Variants in NOL10 observed in about 807,000 individuals in gnomAD.
NOL10 encodes nucleolar protein 10.
NOL10 carries 58 observed loss-of-function variants against 103.5 expected under a neutral mutation model. That is an observed-to-expected ratio of 0.56 (90% CI 0.45 to 0.70). The LOEUF (loss-of-function observed/expected upper bound fraction) is 0.70, where lower values mean the gene tolerates loss of function less well. Among genes scored for constraint, NOL10 ranks in the 30% least tolerant of loss-of-function variants. The pLI is 0.00. For missense variants in NOL10, 763 were observed against 807.3 expected (o/e 0.95, Z 0.67); for synonymous variants, 287 against 282.5 (o/e 1.02, Z -0.16).
intron 12 of NOL10, among the ~76,000 whole-genome samples, chr2:10,648,839 G>A (rs769674849): frequency 2.0e-5 from 3 of 151,998 alleles, no homozygotes; most frequent in Non-Finnish European, 2.9e-5. Flanking sequence ...AAAAGTCAAC[G>A]TCATGGAGAA....
At position 10,659,375 on chromosome 2, in the gene NOL10, T is replaced by C. The variant is rs374146712; in HGVS notation, c.678-125A>G. ...GGGGGAGGAATCACATTTCTAGGCT[T>C]CTGTTTAAAAGGTAACTGCAGCCTG... On this transcript the variant is annotated intron_variant, in intron 9 of 20. Coordinates refer to ENST00000381685, the MANE Select transcript of NOL10 (RefSeq NM_024894.4). 7 of 665,846 alleles carry C rather than the reference T, an allele frequency of 1.1e-5. No individual in the cohort carries two copies. In the East Asian group the frequency reaches 1.4e-4, roughly 13 times the overall value. 41.2% of individuals were successfully genotyped at this position (665,846 alleles called of 1,614,324 possible).
chr2:10,609,456 C>T (rs1036536780), intron 13 of NOL10, among the ~76,000 whole-genome samples: 1 of 123,098 alleles, frequency 8.1e-6, no homozygotes, highest in Non-Finnish European at 1.7e-5. Context: ...AAAAAAAAAT[C>T]AGGCGCGGTG....
At chr2:10,589,837 A>G (rs1675305588) in intron 17 of NOL10, 86 bp from the exon 18 acceptor site, 1 of 806,794 alleles carries the variant, frequency 1.2e-6, no homozygotes, top group Non-Finnish European at 1.8e-6. Context: ...CACTGATTCT[A>G]TTATAAGTTA....
chr2:10,647,188 A>ACTATGCAGTGCACT (rs1553308508), intron 12 of NOL10, among the ~76,000 whole-genome samples: 1 of 150,524 alleles, frequency 6.6e-6, no homozygotes, highest in African/African-American at 2.5e-5. Context: ...TATAGTGTAT[A>ACTATGCAGTGCACT]GTACGCTGTA....
chr2:10,579,645 C>A (rs1674651085), intron 19 of NOL10, among the ~76,000 whole-genome samples: 1 of 151,166 alleles, frequency 6.6e-6, no homozygotes, highest in Non-Finnish European at 1.5e-5. Context: ...CTCAGCAAAT[C>A]CCTCAACCTG....
chr2:10,689,875 ACTG>A lies in NOL10; in HGVS notation c.-17_-15del. 1 of 1,600,366 alleles carries A rather than the reference ACTG, an allele frequency of 6.2e-7. No individual in the cohort carries two copies. Among genetic ancestry groups the A allele is most frequent in the South Asian group, 1.1e-5 (1 of 88,478 alleles). On this transcript the variant is annotated 5_prime_UTR_variant, in exon 1 of 21. In the 5' UTR this introduces an upstream ATG that the reference lacks. Coordinates refer to ENST00000381685, the MANE Select transcript of NOL10 (RefSeq NM_024894.4). ...GGAGACCTGCATGGCGCCGCACAAC[ACTG>A]TTCAAGTCCCGGGTCCTTTCCCACC...
intron 11 of NOL10, among the ~76,000 whole-genome samples, chr2:10,657,357 G>A (rs1446048310): frequency 5.3e-5 from 8 of 152,082 alleles, no homozygotes; most frequent in Non-Finnish European, 8.8e-5. Flanking sequence ...TTTGAGATAT[G>A]TAATAATACC....
At chr2:10,613,517 T>C (rs1676678113) in intron 13 of NOL10, among the ~76,000 whole-genome samples, 1 of 152,244 alleles carries the variant, frequency 6.6e-6, no homozygotes, top group African/African-American at 2.4e-5. Context: ...ACTGAGAGGC[T>C]ATGGTTTCAT....
At chr2:10,587,442 T>C (rs1675171673) in intron 19 of NOL10, among the ~76,000 whole-genome samples, 1 of 150,374 alleles carries the variant, frequency 6.7e-6, no homozygotes, top group African/African-American at 2.5e-5. Flanking sequence ...AGCTAAGTTT[T>C]ATATTTTTAG....
At chr2:10,621,608 TA>T (rs1677153404) in intron 13 of NOL10, among the ~76,000 whole-genome samples, 2 of 151,974 alleles carry the variant, frequency 1.3e-5, no homozygotes, top group South Asian at 4.2e-4. Flanking sequence ...ATAATAAAAA[TA>T]AAAATTAACT....
At chr2:10,653,715 G>A (rs1679637319) in intron 12 of NOL10, among the ~76,000 whole-genome samples, 1 of 151,682 alleles carries the variant, frequency 6.6e-6, no homozygotes. Context: ...TCTCCCATGA[G>A]AATCACCTCA....
chr2:10,677,463 GGT>G (rs944909014), intron 3 of NOL10, among the ~76,000 whole-genome samples: 2 of 146,660 alleles, frequency 1.4e-5, no homozygotes, highest in African/African-American at 4.9e-5. Flanking sequence ...GGTTTTCTTT[GGT>G]GTTTTTTTTT....
chr2:10,619,118 G>C (rs1022259133), intron 13 of NOL10, among the ~76,000 whole-genome samples: 11 of 152,116 alleles, frequency 7.2e-5, no homozygotes, highest in Non-Finnish European at 1.5e-4. Context: ...ACTTTCAAAT[G>C]AACCACTGTA....
chr2:10,636,440 A>AAC (rs1678229508), intron 13 of NOL10, among the ~76,000 whole-genome samples: 3 of 150,262 alleles, frequency 2.0e-5, no homozygotes, highest in Non-Finnish European at 4.4e-5. Flanking sequence ...AAAAAAAAAA[A>AAC]AAAAAACACC....
rs562163845 is a variant in NOL10 at position 10,636,433 on chromosome 2, A to C, written c.1026+7887T>G. ...TCTACAAAAAACCAAAAAAAAAAAA[A>C]AAAAAAAAAAAAACACCAAACAAAA... is the stretch of plus-strand genomic sequence containing the variant. On this transcript the variant is annotated intron_variant, in intron 13 of 20. Transcript: ENST00000381685. Among the ~76,000 whole-genome samples, 55 of 149,896 alleles carry C rather than the reference A, an allele frequency of 3.7e-4. No individual in the cohort carries two copies. In the East Asian group the frequency reaches 5.1e-3, roughly 14 times the overall value.
intron 9 of NOL10, among the ~76,000 whole-genome samples, chr2:10,659,994 C>G: frequency 6.6e-6 from 1 of 152,164 alleles, no homozygotes; most frequent in East Asian, 1.9e-4. Flanking sequence ...ATGCTTCTCA[C>G]ATACCAACCA....
intron 19 of NOL10, among the ~76,000 whole-genome samples, chr2:10,581,324 A>G (rs1674740891): frequency 6.6e-6 from 1 of 152,316 alleles, no homozygotes; most frequent in South Asian, 2.1e-4. Context: ...AATACGCTTT[A>G]AAGAAATACT....
At chr2:10,624,049 T>C (rs187339622) in intron 13 of NOL10, among the ~76,000 whole-genome samples, 132 of 152,342 alleles carry the variant, frequency 8.7e-4, no homozygotes, top group Middle Eastern at 3.4e-3. Context: ...GTGTGATCTC[T>C]GGTTTCCTAA....
At chr2:10,608,067 G>A (rs903749293) in intron 13 of NOL10, among the ~76,000 whole-genome samples, 4 of 152,076 alleles carry the variant, frequency 2.6e-5, no homozygotes, top group East Asian at 1.9e-4. Context: ...TAAGTACTAC[G>A]TGAGGTGATG....
Sources: allele counts gnomAD v4.1 joint callset (sites outside exome capture counted in the v4.1 genomes callset), GRCh38; gene constraint gnomAD v4.1.1; transcripts MANE v1.5; gene names NCBI Gene and HGNC (gene_info 2026-07-23, HGNC 2026-07-21).